The following CA4 variants were observed in gnomAD, a reference collection of about 807,000 sequenced individuals.
The protein encoded by CA4 is carbonic anhydrase 4.
Under a neutral mutation model 34.5 loss-of-function variants are expected in CA4, and 24 were observed. The ratio of observed to expected loss-of-function variants is 0.70; its 90% CI spans 0.50 to 0.98. CA4 has a LOEUF of 0.98. CA4 is among the 50% of genes least tolerant of loss of function. The pLI, the probability that CA4 is intolerant of heterozygous loss-of-function variation, is 0.00. For synonymous variants in CA4, 178 were observed against 170.6 expected (o/e 1.04, Z -0.34); for missense variants, 394 against 396.7 (o/e 0.99, Z 0.06).
chr17:60,155,279 G>T (rs370317004), intron 1 of CA4, 35 bp from the exon 2 acceptor site: 4 of 1,595,732 alleles, frequency 2.5e-6, no homozygotes, highest in Non-Finnish European at 3.4e-6. Flanking sequence ...CAAGACACAC[G>T]CACGCACACT....
downstream of CA4, among the ~76,000 whole-genome samples, chr17:60,160,214 C>T (rs899107832): frequency 2.6e-5 from 4 of 152,312 alleles, no homozygotes; most frequent in South Asian, 4.1e-4. Context: ...CAGCCCTGTG[C>T]GTTCTCCCCT....
chr17:60,159,042 C>A (rs528142989), intron 7 of CA4, 188 bp from the exon 8 acceptor site: 7 of 643,856 alleles, frequency 1.1e-5, no homozygotes, highest in African/African-American at 9.1e-5. Flanking sequence ...TTAGCCTTCA[C>A]CCATGCCACG....
intron 5 of CA4, among the ~76,000 whole-genome samples, chr17:60,165,330 A>C (rs1349416517): frequency 6.6e-6 from 1 of 152,160 alleles, no homozygotes; most frequent in Non-Finnish European, 1.5e-5. Flanking sequence ...TTACAGAGGA[A>C]GATCTCCCAG....
chr17:60,164,866 C>T (rs1024695770), intron 5 of CA4, among the ~76,000 whole-genome samples: 1 of 152,066 alleles, frequency 6.6e-6, no homozygotes, highest in African/African-American at 2.4e-5. Flanking sequence ...CAGAAACATC[C>T]GGGCATGCAG....
downstream of CA4, among the ~76,000 whole-genome samples, chr17:60,171,559 T>A (rs1012884921): frequency 6.6e-6 from 1 of 152,232 alleles, no homozygotes; most frequent in Non-Finnish European, 1.5e-5. Context: ...CACTGTCAAC[T>A]CCTCTTGCTG....
At chr17:60,173,605 C>T (rs1311261650), downstream of CA4, among the ~76,000 whole-genome samples, 1 of 152,192 alleles carries the variant, frequency 6.6e-6, no homozygotes, top group Non-Finnish European at 1.5e-5. Context: ...TACTGTCACT[C>T]CTTACATGTG....
intron 5 of CA4, 81 bp from the exon 6 acceptor site, chr17:60,157,980 C>T (rs748450682): frequency 3.4e-5 from 53 of 1,577,012 alleles, no homozygotes; most frequent in Non-Finnish European, 3.8e-5. Context: ...CCTGGCCTTC[C>T]GCCCCCAGAT....
chr17:60,162,298 C>T (rs749207773), downstream of CA4, among the ~76,000 whole-genome samples: 20 of 152,126 alleles, frequency 1.3e-4, no homozygotes, highest in African/African-American at 2.9e-4. Flanking sequence ...TGTGAACATG[C>T]GTGTGTTCAT....
chr17:60,157,991 C>T lies in CA4; in HGVS notation c.514-70C>T, dbSNP rs551322974. The T allele has an allele frequency of 6.6e-4, 1,045 of 1,589,730 alleles. 2 individuals carry two copies. The highest frequency in any genetic ancestry group is 7.1e-4 in the Non-Finnish European group (833 of 1,168,214). ...GCTGCCTGGCCTTCCGCCCCCAGAT[C>T]GGGAGAATGAACTGGCCACCACCAC... On this transcript the variant is annotated intron_variant, in intron 5 of 7. Transcript: ENST00000300900.
intron 5 of CA4, among the ~76,000 whole-genome samples, chr17:60,169,265 C>CAAAAAAAAA (rs1567737713): frequency 3.2e-4 from 45 of 139,594 alleles, no homozygotes; most frequent in African/African-American, 1.3e-3. Context: ...AAAAAAAAAG[C>CAAAAAAAAA]AGCAGCAGCA....
At chr17:60,153,900 G>A (rs1362974430) in intron 1 of CA4, among the ~76,000 whole-genome samples, 1 of 152,210 alleles carries the variant, frequency 6.6e-6, no homozygotes, top group Non-Finnish European at 1.5e-5. Flanking sequence ...TGCCAGCAGG[G>A]AAGGAGAGGC....
chr17:60,161,434 G>T (rs749456792), downstream of CA4, among the ~76,000 whole-genome samples: 5 of 152,118 alleles, frequency 3.3e-5, no homozygotes, highest in Admixed American at 2.6e-4. Context: ...TCCCTGGCTG[G>T]GTGAGGACCC....
chr17:60,156,821 G>A, intron 3 of CA4, 106 bp downstream of exon 3: 1 of 1,045,348 alleles, frequency 9.6e-7, no homozygotes, highest in Non-Finnish European at 1.5e-6. Flanking sequence ...GCCCATCTGT[G>A]CTGTGAGGTG....
intron 7 of CA4, 78 bp downstream of exon 7, chr17:60,158,524 G>A: frequency 6.8e-7 from 1 of 1,467,490 alleles, no homozygotes; most frequent in Non-Finnish European, 9.4e-7. Flanking sequence ...GCCCTCAGAG[G>A]TCCCTCAGGA....
Position 60,149,993 on chromosome 17 carries a change from T to C in CA4, c.-42T>C. 1 of 1,560,570 alleles carries C rather than the reference T, an allele frequency of 6.4e-7. No individual in the cohort carries two copies. Among genetic ancestry groups the C allele is most frequent in the Non-Finnish European group, 8.7e-7 (1 of 1,145,522 alleles). ...GCTGCACCCGCGGCGGCCTCCTCGG[T>C]GCGCGACCCCCGGCTCAGAGGACTC... On this transcript the variant is annotated 5_prime_UTR_variant, in exon 1 of 8. Coordinates refer to ENST00000300900, the MANE Select transcript of CA4 (RefSeq NM_000717.5).
intron 5 of CA4, among the ~76,000 whole-genome samples, chr17:60,170,101 A>G (rs1440806150): frequency 6.6e-6 from 1 of 152,226 alleles, no homozygotes; most frequent in South Asian, 2.1e-4. Context: ...TGAGCCTGCC[A>G]TGGTGTCCAG....
At chr17:60,153,839 G>A (rs1000619858) in intron 1 of CA4, among the ~76,000 whole-genome samples, 12 of 152,216 alleles carry the variant, frequency 7.9e-5, no homozygotes, top group African/African-American at 2.7e-4. Flanking sequence ...CCCTGCCCGG[G>A]GCTGGGGATG....
At chr17:60,155,523 ACTCTCTCTCTCTCT>A (rs1216768588) in intron 2 of CA4, among the ~76,000 whole-genome samples, 156 bp downstream of exon 2, 1 of 146,290 alleles carries the variant, frequency 6.8e-6, no homozygotes, top group African/African-American at 2.6e-5. Flanking sequence ...ACACACACAC[ACTCTCTCTCTCTCT>A]CTCACACACA....
chr17:60,151,272 G>T (rs1035086628), intron 1 of CA4, among the ~76,000 whole-genome samples: 1 of 152,124 alleles, frequency 6.6e-6, no homozygotes, highest in African/African-American at 2.4e-5. Flanking sequence ...CCTCAAAGCG[G>T]CGGAGTGAGG....
Sources: gnomAD v4.1 joint callset for allele counts (sites outside exome capture counted in the v4.1 genomes callset) on GRCh38, gnomAD v4.1.1 for gene constraint, MANE v1.5 for transcripts, NCBI Gene and HGNC (gene_info 2026-07-23, HGNC 2026-07-21) for gene names.